ZFPM1: variants seen among roughly 807,000 people sequenced by gnomAD.
ZFPM1 encodes the protein zinc finger protein, FOG family member 1, also known as zinc finger protein ZFPM1.
A neutral mutation model predicts 46.3 loss-of-function variants in ZFPM1; 28 were observed. The observed-to-expected ratio is 0.60, with a 90% CI of 0.45 to 0.83. ZFPM1 has a LOEUF of 0.83. Ranked by LOEUF, ZFPM1 falls within the 40% of genes least tolerant of loss-of-function variation. The pLI is 0.00. For missense variants in ZFPM1, 1,878 were observed against 1,432.4 expected, an observed-to-expected ratio of 1.31 and a Z score of -5.02; for synonymous variants, 957 against 675.9, an observed-to-expected ratio of 1.42 and a Z score of -6.45.
rs1332284647 is a variant in ZFPM1, at chr16:88,514,410, G to C, written c.292G>C (p.Asp98His). 1 of 1,563,776 alleles carries C rather than the reference G, an allele frequency of 6.4e-7. No individual in the cohort carries two copies. Among genetic ancestry groups the C allele is most frequent in the East Asian group, 2.4e-5 (1 of 42,136 alleles). ...AGACGAGCTGGAGCCGGTGGTGCAG[G>C]ATGGGCAGAGGCGCATACGGGCCCG... is the stretch of plus-strand genomic sequence containing the variant. ...GPDELEPVVQDGQRRIRARLS... is the reference protein window; with the variant it reads ...GPDELEPVVQHGQRRIRARLS... Residue 98 changes from aspartate to histidine, a missense_variant, in exon 4 of 10, where the codon GAT becomes CAT. By Grantham distance (81) the Asp-to-His change is moderately conservative. Transcript: ENST00000319555.
rs190431750 is a variant in ZFPM1 at position 88,497,004 on chromosome 16, A to G, written c.268+7851A>G. ...GGGGCTGCCAGGCCTGCCCCTGCCC[A>G]GGAGCCGCACACACCTGCTCCTGGC... is the stretch of plus-strand genomic sequence containing the variant. On this transcript the variant is annotated intron_variant, in intron 3 of 9. Coordinates refer to ENST00000319555, the MANE Select transcript of ZFPM1 (RefSeq NM_153813.3). This position sits in a 1 kb window ranked among gnomAD's most constrained non-coding sequence, Gnocchi z 5.4. Among the ~76,000 whole-genome samples the G allele has an allele frequency of 4.1e-3, 619 of 152,298 alleles. 5 individuals carry two copies. The highest frequency in any genetic ancestry group is 0.014 in the African/African-American group (593 of 41,560).
Position 88,469,810 on chromosome 16 carries a change from G to A in ZFPM1, c.41-16129G>A, listed in dbSNP as rs1159023142. On this transcript the variant is annotated intron_variant, in intron 1 of 9. Coordinates refer to ENST00000319555, the MANE Select transcript of ZFPM1 (RefSeq NM_153813.3). The surrounding 1 kb of genome is among the most constrained non-coding windows in gnomAD (Gnocchi z 4.3). ...TAAGGAGAGGAAGTAGGGAGGGGCC[G>A]TCCGACCAGAACCAGACATCACCTT... 1.3e-5 allele frequency among the ~76,000 whole-genome samples: 2 copies of A among 152,048 alleles called. No individual in the cohort carries two copies. Among genetic ancestry groups the A allele is most frequent in the South Asian group, 2.1e-4 (1 of 4,828 alleles).
chr16:88,511,192 T>G (rs1910941699), intron 3 of ZFPM1, among the ~76,000 whole-genome samples: 1 of 152,050 alleles, frequency 6.6e-6, no homozygotes, highest in Non-Finnish European at 1.5e-5. Flanking sequence ...GGTGGGGGTG[T>G]CTGGCCACTG....
chr16:88,476,477 G>T (rs574958298), intron 1 of ZFPM1, among the ~76,000 whole-genome samples: 1 of 152,226 alleles, frequency 6.6e-6, no homozygotes, highest in African/African-American at 2.4e-5. Flanking sequence ...GGAGGGCTGA[G>T]GGAGGGAGGG....
chr16:88,501,109 TGG>T (rs1910241340), intron 3 of ZFPM1, among the ~76,000 whole-genome samples: 3 of 141,928 alleles, frequency 2.1e-5, no homozygotes, highest in African/African-American at 8.7e-5. Flanking sequence ...CTGGTGATGA[TGG>T]AGATAGCAGA....
Position 88,533,950 on chromosome 16 carries a change from G to A in ZFPM1, c.1992G>A (p.Glu664=). 7.8e-7 allele frequency: 1 copy of A among 1,286,496 alleles called. No homozygotes were observed. Among genetic ancestry groups the A allele is most frequent in the Non-Finnish European group, 1.0e-6 (1 of 996,902 alleles). The allele number at this position is 1,286,496 out of a possible 1,614,324, so 79.7% of individuals were successfully genotyped here. ...PEDGAGGRGS[E]GSQSPGSSVD... ...ACGGCGCGGGCGGCCGGGGCAGCGA[G>A]GGCAGCCAGAGCCCGGGTAGCTCCG... The change falls in exon 10 of 10, where the codon GAG becomes GAA. Residue 664 remains glutamate (E), a synonymous_variant. Transcript: ENST00000319555.
Position 88,526,508 on chromosome 16 carries a change from C to T in ZFPM1, c.403-306C>T, listed in dbSNP as rs544820937. 2.6e-5 allele frequency among the ~76,000 whole-genome samples: 4 copies of T among 152,268 alleles called. No homozygotes were observed. The East Asian group carries it at 7.7e-4, about 29-fold the overall frequency. The stretch of plus-strand genomic sequence containing the variant: ...GCTCTGCTGCTCCCTGGCTGTGTGA[C>T]CTGGAGCATGTTGCTCGACCTCTTT... On this transcript the variant is annotated intron_variant, in intron 4 of 9. Coordinates refer to ENST00000319555, the MANE Select transcript of ZFPM1 (RefSeq NM_153813.3).
At chr16:88,459,804 C>T (rs1473459354) in intron 1 of ZFPM1, among the ~76,000 whole-genome samples, 1 of 129,106 alleles carries the variant, frequency 7.7e-6, no homozygotes, top group Non-Finnish European at 1.6e-5. Context: ...TCTTCCTCCC[C>T]CTCTTCCCCT....
chr16:88,524,330 T>C (rs1429719281), intron 4 of ZFPM1, among the ~76,000 whole-genome samples: 6 of 152,148 alleles, frequency 3.9e-5, no homozygotes, highest in African/African-American at 1.4e-4. Context: ...TGCCTGCCCA[T>C]TGCCCCTGGG....
At chr16:88,531,099 C>T (rs1912750983) in intron 6 of ZFPM1, 1 of 152,250 alleles carries the variant, frequency 6.6e-6, no homozygotes, top group South Asian at 2.1e-4. Context: ...CCAGATATCA[C>T]ATCAGTCTCT....
At chr16:88,517,117 A>T (rs77771776) in intron 4 of ZFPM1, among the ~76,000 whole-genome samples, 1 of 151,968 alleles carries the variant, frequency 6.6e-6, no homozygotes, top group Admixed American at 6.6e-5. Context: ...CCAGCTTCAG[A>T]ATTTATAGTC....
At chr16:88,479,955 G>A (rs1908859886) in intron 1 of ZFPM1, among the ~76,000 whole-genome samples, 1 of 150,868 alleles carries the variant, frequency 6.6e-6, no homozygotes, top group South Asian at 2.1e-4. Flanking sequence ...TCCCTGCAGA[G>A]TAGAAACAGT....
chr16:88,516,824 A>G (rs1455706218), intron 4 of ZFPM1, among the ~76,000 whole-genome samples: 1 of 152,104 alleles, frequency 6.6e-6, no homozygotes, highest in Non-Finnish European at 1.5e-5. Flanking sequence ...AGGGGTGCAG[A>G]TGCGATGCTG....
chr16:88,508,837 G>C (rs1910798865), intron 3 of ZFPM1, among the ~76,000 whole-genome samples: 2 of 152,304 alleles, frequency 1.3e-5, no homozygotes, highest in South Asian at 4.1e-4. Flanking sequence ...TTTGGAGCCG[G>C]TGACCTTGGG....
chr16:88,527,992 G>A (rs1912478827), intron 5 of ZFPM1, 40 bp from the exon 6 acceptor site: 1 of 1,493,964 alleles, frequency 6.7e-7, no homozygotes. Flanking sequence ...CAGGGAAGTG[G>A]GGCACAAAGT....
intron 4 of ZFPM1, among the ~76,000 whole-genome samples, chr16:88,523,955 C>T (rs957409830): frequency 1.4e-4 from 22 of 152,336 alleles, no homozygotes; most frequent in African/African-American, 4.6e-4. Flanking sequence ...CTCGGGACCG[C>T]CACAGAAAAA....
At chr16:88,496,004 C>A (rs1302941476) in intron 3 of ZFPM1, among the ~76,000 whole-genome samples, 1 of 152,150 alleles carries the variant, frequency 6.6e-6, no homozygotes, top group Non-Finnish European at 1.5e-5. Context: ...AGCAGTGACT[C>A]CTGCGGCTCT....
Position 88,534,274 on chromosome 16 carries a change from A to C in ZFPM1, c.2316A>C (p.Gly772=). 1 of 1,118,492 alleles carries C rather than the reference A, an allele frequency of 8.9e-7. No individual in the cohort carries two copies. The allele number at this position is 1,118,492 out of a possible 1,614,324, so 69.3% of individuals were successfully genotyped here. A position where few individuals can be genotyped will look rare whatever the true frequency, so the allele number is the denominator to read the frequency against. Residue 772 remains glycine (G), a synonymous_variant, in exon 10 of 10, where the codon GGA becomes GGC. Coordinates refer to ENST00000319555, the MANE Select transcript of ZFPM1 (RefSeq NM_153813.3). ...HAPAPESPRP[G]SGSGSGPGLA... ...CCGCGCCCGAGTCGCCGCGGCCCGG[A>C]AGCGGAAGCGGAAGCGGCCCCGGCC...
In ZFPM1 at chr16:88,505,065, G is replaced by A. The variant is rs542121136; in HGVS notation, c.269-9322G>A. On this transcript the variant is annotated intron_variant, in intron 3 of 9. Transcript: ENST00000319555. ...GTGTCAAAAAATCAATAATTGCAGC[G>A]ATGTTCCAGGCGATAGGAAGACAAG... Among the ~76,000 whole-genome samples, 51 of 152,362 alleles carry A rather than the reference G, an allele frequency of 3.3e-4. 2 individuals are homozygous for A. In the South Asian group the frequency reaches 6.8e-3, roughly 20 times the overall value.
Sources: allele counts gnomAD v4.1 joint callset (sites outside exome capture counted in the v4.1 genomes callset), GRCh38; gene constraint gnomAD v4.1.1; non-coding constraint Gnocchi (gnomAD v3.1); transcripts MANE v1.5; gene names NCBI Gene and HGNC (gene_info 2026-07-23, HGNC 2026-07-21).